Variants in TBCD observed in about 807,000 individuals in gnomAD.
TBCD encodes tubulin-specific chaperone D.
TBCD carries 105 observed loss-of-function variants against 169.3 expected under a neutral mutation model. The observed-to-expected ratio is 0.62, with a 90% CI of 0.53 to 0.73. TBCD has a LOEUF of 0.73. Ranked by LOEUF, TBCD falls within the 30% of genes least tolerant of loss-of-function variation. The pLI is 0.00. For missense variants in TBCD, 1,444 were observed against 1,600.1 expected (o/e 0.90, Z 1.66); for synonymous variants, 700 against 643.9 (o/e 1.09, Z -1.32).
chr17:82,907,733 C>T (rs370391747), intron 20 of TBCD, 28 bp from the exon 21 acceptor site: 14 of 1,613,014 alleles, frequency 8.7e-6, no homozygotes, highest in Non-Finnish European at 1.0e-5. Flanking sequence ...GGGAGTGTGA[C>T]TTCAGCTCTG....
chr17:82,797,961 A>AATTTTT (rs2050221389), intron 8 of TBCD, among the ~76,000 whole-genome samples, 159 bp downstream of exon 8: 1 of 54,976 alleles, frequency 1.8e-5, no homozygotes, highest in Non-Finnish European at 3.9e-5. Context: ...TAGTAACTGA[A>AATTTTT]CTTTTTTTTT....
Position 82,789,320 on chromosome 17 carries a change from C to CT in TBCD, c.771+7602dup, listed in dbSNP as rs1227561876. ...GAAACCTGCATGGTGAGCCGCACGC[C>CT]TTTGAGTCCCCATCAGCCCTGGCCC... On this transcript the variant is annotated intron_variant, in intron 7 of 38. Transcript: ENST00000355528. This position sits in a 1 kb window ranked among gnomAD's most constrained non-coding sequence, Gnocchi z 4.8. 6.6e-6 allele frequency among the ~76,000 whole-genome samples: 1 copy of CT among 152,234 alleles called. No individual in the cohort carries two copies.
intron 16 of TBCD, among the ~76,000 whole-genome samples, chr17:82,892,184 C>G (rs2059189062): frequency 6.6e-6 from 1 of 152,132 alleles, no homozygotes; most frequent in Non-Finnish European, 1.5e-5. Flanking sequence ...GGATGCTGGA[C>G]ACAGAGTCCC....
chr17:82,823,338 A>G (rs538704919), intron 13 of TBCD, among the ~76,000 whole-genome samples: 12 of 152,196 alleles, frequency 7.9e-5, no homozygotes, highest in Non-Finnish European at 1.3e-4. Context: ...ACATGGCCCC[A>G]GTGTCCAGTT....
rs534187393 is a variant in TBCD, at chr17:82,922,850, A to G, written c.2179-802A>G. Reference sequence around the variant, plus strand: ...AGAACACGTGGGTTTGGTGTTTGCCACTTGCTGGCTGTGTGGTCACGAGAG... The same window carrying G: ...AGAACACGTGGGTTTGGTGTTTGCCGCTTGCTGGCTGTGTGGTCACGAGAG... On this transcript the variant is annotated intron_variant, in intron 25 of 38. Transcript: ENST00000355528. The surrounding 1 kb of genome is among the most constrained non-coding windows in gnomAD (Gnocchi z 4.1). Among the ~76,000 whole-genome samples the G allele has an allele frequency of 4.9e-4, 74 of 152,330 alleles. No individual in the cohort carries two copies. The South Asian group carries it at 9.9e-3, about 20-fold the overall frequency.
chr17:82,877,822 T>G (rs1401928122), intron 14 of TBCD, among the ~76,000 whole-genome samples: 1 of 152,212 alleles, frequency 6.6e-6, no homozygotes, highest in African/African-American at 2.4e-5. Flanking sequence ...CTCTTCTTAT[T>G]TAGGCTATAG....
At position 82,752,377 on chromosome 17, in the gene TBCD, G is replaced by A; in HGVS notation, c.184G>A (p.Val62Ile). 1 of 1,257,282 alleles carries A rather than the reference G, an allele frequency of 8.0e-7. No homozygotes were observed. The highest frequency in any genetic ancestry group is 9.9e-7 in the Non-Finnish European group (1 of 1,005,112). 77.9% of individuals were successfully genotyped at this position (1,257,282 alleles called of 1,614,324 possible). The stretch of plus-strand genomic sequence containing the variant: ...CGAGGTGGCCCTGGAGCGGTTCCGC[G>A]GTGCGTGGGCGGCGCCGCGTGCCCG... ...EREVALERFR[V>I]IMDKYQEQPH... Residue 62 changes from valine (V) to isoleucine (I), a missense_variant and splice_region_variant, in exon 1 of 39, where the codon GTA becomes ATA. By Grantham distance (29) the Val-to-Ile change is conservative. Transcript: ENST00000355528.
In TBCD at chr17:82,840,953, G is replaced by GTTTTTT. The variant is rs755302623; in HGVS notation, c.1318+26019_1318+26020insTTTTTT. 4.9e-3 allele frequency among the ~76,000 whole-genome samples: 346 copies of GTTTTTT among 70,542 alleles called. 141 individuals are homozygous for GTTTTTT. Among genetic ancestry groups the GTTTTTT allele is most frequent in the East Asian group, 0.013 (33 of 2,468 alleles). The allele number at this position is 70,542 out of a possible 152,430, so 46.3% of individuals were successfully genotyped here. A position where few individuals can be genotyped will look rare whatever the true frequency, so the allele number is the denominator to read the frequency against. ...ACGAGCTGGCCAGGACAGACAAACT[G>GTTTTTT]GTTTTTTTTTTTTTTTTTTTTTTTT... On this transcript the variant is annotated intron_variant, in intron 13 of 38. Transcript: ENST00000355528.
At position 82,914,621 on chromosome 17, in the gene TBCD, C is replaced by T. The variant is rs1273959010; in HGVS notation, c.2038+2832C>T. On this transcript the variant is annotated intron_variant, in intron 23 of 38. Coordinates refer to ENST00000355528, the MANE Select transcript of TBCD (RefSeq NM_005993.5). ...CGTGGAAAGCTGCCCATGCTGCCCA[C>T]GCCCTCCCTGGGGGCCCCTTGGCTG... Among the ~76,000 whole-genome samples the T allele has an allele frequency of 1.4e-4, 22 of 152,104 alleles. 1 individual carries two copies. The highest frequency in any genetic ancestry group is 1.3e-4 in the Non-Finnish European group (9 of 68,024).
chr17:82,883,454 C>T (rs72859956), intron 14 of TBCD, among the ~76,000 whole-genome samples: 2 of 152,352 alleles, frequency 1.3e-5, no homozygotes, highest in Non-Finnish European at 2.9e-5. Context: ...CACAAGAGGA[C>T]ATAATGAAGC....
chr17:82,830,918 G>C (rs749324501), intron 13 of TBCD: 6 of 1,613,076 alleles, frequency 3.7e-6, no homozygotes, highest in Non-Finnish European at 5.1e-6. Context: ...AGCTTGCTTA[G>C]AAAAGCAACT....
intron 7 of TBCD, among the ~76,000 whole-genome samples, chr17:82,797,249 G>A (rs1039759000): frequency 6.6e-6 from 1 of 152,200 alleles, no homozygotes; most frequent in African/African-American, 2.4e-5. Flanking sequence ...TGTGCGCATC[G>A]TGGGGACCGG....
At chr17:82,883,124 C>G (rs931569969) in intron 14 of TBCD, among the ~76,000 whole-genome samples, 1 of 152,264 alleles carries the variant, frequency 6.6e-6, no homozygotes, top group Non-Finnish European at 1.5e-5. Context: ...GTGCATGTCC[C>G]CGGCGTCCTT....
rs1302855516 is a variant in TBCD at position 82,937,315 on chromosome 17, T to A, written c.3236T>A (p.Ile1079Asn). ...TTGCTTGCGCTCTGTAAGAAAGAAA[T>A]CAAGAATTCAAAAGATATCCAGAAG... ...VKLLALCKKE[I>N]KNSKDIQKLL... is the part of the protein sequence containing the mutation. The change falls in exon 35 of 39, where the codon ATC becomes AAC. Residue 1079 changes from isoleucine (I) to asparagine (N), a missense_variant. Physicochemically the swap from Ile to Asn is moderately radical, Grantham distance 149. Transcript: ENST00000355528. 1 of 1,613,828 alleles carries A rather than the reference T, an allele frequency of 6.2e-7. No homozygotes were observed. Among genetic ancestry groups the A allele is most frequent in the Non-Finnish European group, 8.5e-7 (1 of 1,179,876 alleles).
intron 13 of TBCD, among the ~76,000 whole-genome samples, chr17:82,824,646 C>G (rs2052687156): frequency 1.3e-5 from 2 of 152,216 alleles, no homozygotes; most frequent in African/African-American, 4.8e-5. Context: ...GTGTGCACCA[C>G]CGCCCCTGGC....
Position 82,937,857 on chromosome 17 carries a change from G to C in TBCD, c.3282-192G>C, listed in dbSNP as rs115970190. 1,768 of 1,502,390 alleles carry C rather than the reference G, an allele frequency of 1.2e-3. 23 individuals are homozygous for C. The African/African-American group carries it at 0.022, about 18-fold the overall frequency. The allele number at this position is 1,502,390 out of a possible 1,614,324, so 93.1% of individuals were successfully genotyped here. ...CTCACTTCCCACAGTGACTTTCCAA[G>C]TGCGACACTCGTGTGTGTAGGCACA... On this transcript the variant is annotated intron_variant, in intron 35 of 38. Transcript: ENST00000355528.
At chr17:82,836,694 AAAAAC>A (rs985685648) in intron 13 of TBCD, among the ~76,000 whole-genome samples, 133 of 151,416 alleles carry the variant, frequency 8.8e-4, no homozygotes, top group Admixed American at 1.2e-3. Context: ...AGGCAAAAAA[AAAAAC>A]AAAACAAAAC....
chr17:82,814,709 T>G, intron 12 of TBCD, 131 bp from the exon 13 acceptor site: 1 of 837,912 alleles, frequency 1.2e-6, no homozygotes, highest in Non-Finnish European at 1.9e-6. Flanking sequence ...AGGAATGGGT[T>G]TTAGTGAGCC....
At chr17:82,816,696 A>T (rs1401899798) in intron 13 of TBCD, among the ~76,000 whole-genome samples, 1 of 148,148 alleles carries the variant, frequency 6.8e-6, no homozygotes, top group African/African-American at 2.4e-5. Flanking sequence ...ACCATGCCAC[A>T]TTAATTTTTT....
Sources: allele counts gnomAD v4.1 joint callset (sites outside exome capture counted in the v4.1 genomes callset), GRCh38; gene constraint gnomAD v4.1.1; non-coding constraint Gnocchi (gnomAD v3.1); transcripts MANE v1.5; gene names NCBI Gene and HGNC (gene_info 2026-07-23, HGNC 2026-07-21).